Variants in SCFD2 observed in about 807,000 individuals in gnomAD.
SCFD2 encodes the protein sec1 family domain containing 2.
SCFD2 carries 54 observed loss-of-function variants against 58.9 expected under a neutral mutation model. The observed-to-expected ratio is 0.92, with a 90% CI of 0.74 to 1.15. SCFD2 has a LOEUF of 1.15. Among genes scored for constraint, SCFD2 ranks in the 50% most tolerant of loss-of-function variants. The pLI, the probability that SCFD2 is intolerant of heterozygous loss-of-function variation, is 0.00. For missense variants in SCFD2, 805 were observed against 836.6 expected (o/e 0.96, Z 0.47); for synonymous variants, 321 against 335.9 (o/e 0.96, Z 0.49).
At chr4:53,266,798 A>G (rs1010771430) in intron 4 of SCFD2, among the ~76,000 whole-genome samples, 10 of 152,236 alleles carry the variant, frequency 6.6e-5, no homozygotes, top group African/African-American at 2.4e-4. Context: ...CCTTGGAGAT[A>G]AGAGAGAGAA....
chr4:53,236,604 G>C (rs937241155), intron 4 of SCFD2, among the ~76,000 whole-genome samples: 1 of 149,498 alleles, frequency 6.7e-6, no homozygotes, highest in Non-Finnish European at 1.5e-5. Flanking sequence ...CTAAATTGCA[G>C]TTCAAAATGA....
intron 4 of SCFD2, among the ~76,000 whole-genome samples, chr4:53,151,443 C>A (rs17082470): frequency 6.6e-6 from 1 of 152,142 alleles, no homozygotes; most frequent in African/African-American, 2.4e-5. Context: ...AGTCACTATG[C>A]GCAAAAGGCC....
chr4:53,058,419 A>G (rs1197539340), intron 5 of SCFD2, among the ~76,000 whole-genome samples: 7 of 152,156 alleles, frequency 4.6e-5, no homozygotes, highest in Non-Finnish European at 1.0e-4. Context: ...TCAAATACAT[A>G]TAATGTCTCG....
intron 2 of SCFD2, among the ~76,000 whole-genome samples, chr4:53,319,483 C>A (rs143165497): frequency 1.3e-5 from 2 of 152,114 alleles, no homozygotes; most frequent in African/African-American, 4.8e-5. Flanking sequence ...AGCTCTAACT[C>A]TATGTACAAC....
chr4:53,032,526 G>A (rs1309949467), intron 5 of SCFD2, among the ~76,000 whole-genome samples: 3 of 152,190 alleles, frequency 2.0e-5, no homozygotes, highest in African/African-American at 7.2e-5. Flanking sequence ...ACCCATCAGT[G>A]TGCTGTATTC....
At chr4:53,197,644 G>C (rs1454204176) in intron 4 of SCFD2, among the ~76,000 whole-genome samples, 1 of 149,664 alleles carries the variant, frequency 6.7e-6, no homozygotes. Flanking sequence ...CTGTTTAGCA[G>C]TGAAAGAACT....
At chr4:53,273,414 G>C (rs1038640555) in intron 4 of SCFD2, among the ~76,000 whole-genome samples, 1 of 152,074 alleles carries the variant, frequency 6.6e-6, no homozygotes, top group Non-Finnish European at 1.5e-5. Context: ...GCCATTTTAA[G>C]ACACATGCTA....
chr4:53,155,073 A>C (rs1726636548), intron 4 of SCFD2, among the ~76,000 whole-genome samples: 1 of 152,162 alleles, frequency 6.6e-6, no homozygotes, highest in South Asian at 2.1e-4. Flanking sequence ...TAAGCCACTA[A>C]ATTTGTGGTA....
At chr4:53,249,809 A>T (rs1315729264) in intron 4 of SCFD2, among the ~76,000 whole-genome samples, 4 of 152,230 alleles carry the variant, frequency 2.6e-5, no homozygotes, top group South Asian at 2.1e-4. Context: ...AGCACTAAAC[A>T]TGGAAAGGAA....
intron 5 of SCFD2, among the ~76,000 whole-genome samples, chr4:52,931,919 T>C (rs1214736170): frequency 3.3e-5 from 5 of 152,160 alleles, no homozygotes; most frequent in Admixed American, 3.3e-4. Flanking sequence ...GATATGTGGC[T>C]GTATGTGTGG....
chr4:53,298,339 C>T (rs971829585), intron 3 of SCFD2, among the ~76,000 whole-genome samples: 10 of 152,174 alleles, frequency 6.6e-5, no homozygotes, highest in African/African-American at 2.2e-4. Flanking sequence ...CATGGAGCCT[C>T]GCTCATTGCT....
chr4:53,123,008 C>T (rs554131050), intron 5 of SCFD2, among the ~76,000 whole-genome samples: 7 of 152,066 alleles, frequency 4.6e-5, no homozygotes, highest in East Asian at 1.9e-4. Flanking sequence ...TTGGAATATA[C>T]GTACAATTCC....
At chr4:53,354,685 A>T (rs1734349910) in intron 1 of SCFD2, among the ~76,000 whole-genome samples, 1 of 152,246 alleles carries the variant, frequency 6.6e-6, no homozygotes, top group African/African-American at 2.4e-5. Flanking sequence ...TTAATGAATG[A>T]ATAAATAAAT....
At chr4:53,054,726 G>A (rs1466309388) in intron 5 of SCFD2, among the ~76,000 whole-genome samples, 1 of 151,778 alleles carries the variant, frequency 6.6e-6, no homozygotes, top group Non-Finnish European at 1.5e-5. Context: ...AATCACAGCT[G>A]CTTAGCAGCC....
chr4:52,898,273 A>T (rs1448358901), intron 7 of SCFD2, among the ~76,000 whole-genome samples: 4 of 152,060 alleles, frequency 2.6e-5, no homozygotes, highest in African/African-American at 4.8e-5. Context: ...CTTTCCTGCT[A>T]TCTCTTGTGG....
At chr4:53,163,745 G>A (rs765604229) in intron 4 of SCFD2, among the ~76,000 whole-genome samples, 1 of 152,156 alleles carries the variant, frequency 6.6e-6, no homozygotes, top group South Asian at 2.1e-4. Context: ...GGGTCAGAGG[G>A]GAGGAGAGAG....
chr4:52,875,401 A>C (rs1718447184), intron 8 of SCFD2, among the ~76,000 whole-genome samples: 1 of 152,000 alleles, frequency 6.6e-6, no homozygotes, highest in African/African-American at 2.4e-5. Context: ...TGCACCCTAG[A>C]AGAAGAGGTG....
chr4:53,191,185 C>T (rs1471313064), intron 4 of SCFD2, among the ~76,000 whole-genome samples: 1 of 151,870 alleles, frequency 6.6e-6, no homozygotes, highest in Non-Finnish European at 1.5e-5. Context: ...CCCATCTCTA[C>T]TAAAAATACG....
chr4:53,348,424 T>C (rs551959818), intron 2 of SCFD2, among the ~76,000 whole-genome samples: 2 of 152,354 alleles, frequency 1.3e-5, no homozygotes, highest in Non-Finnish European at 2.9e-5. Flanking sequence ...GTAGTTATTA[T>C]TGTTTTGATA....
Sources: gnomAD v4.1 joint callset for allele counts (sites outside exome capture counted in the v4.1 genomes callset) on GRCh38, gnomAD v4.1.1 for gene constraint, MANE v1.5 for transcripts, NCBI Gene and HGNC (gene_info 2026-07-23, HGNC 2026-07-21) for gene names.